PDZRN3: variants seen among roughly 807,000 people sequenced by gnomAD.
The protein encoded by PDZRN3 is PDZ domain containing ring finger 3, also known as E3 ubiquitin-protein ligase PDZRN3.
A neutral mutation model predicts 85.7 loss-of-function variants in PDZRN3; 38 were observed. The observed-to-expected ratio is 0.44, with a 90% CI of 0.34 to 0.58. The LOEUF is 0.58. Among genes scored for constraint, PDZRN3 ranks in the 20% least tolerant of loss-of-function variants. PDZRN3 has a pLI of 0.01. For synonymous variants in PDZRN3, 759 were observed against 638.0 expected (o/e 1.19, Z -2.86); for missense variants, 1,629 against 1,506.4 (o/e 1.08, Z -1.35).
intron 3 of PDZRN3, among the ~76,000 whole-genome samples, chr3:73,422,613 T>C (rs1034150416): frequency 6.6e-6 from 1 of 152,160 alleles, no homozygotes; most frequent in Non-Finnish European, 1.5e-5. Context: ...TGGTTGGATA[T>C]GGAGTAGAGT....
intron 3 of PDZRN3, among the ~76,000 whole-genome samples, chr3:73,555,133 A>T (rs1041273964): frequency 2.6e-5 from 4 of 152,190 alleles, no homozygotes; most frequent in African/African-American, 9.7e-5. Context: ...TATTTTTTGA[A>T]TCAGAGCCAG....
intron 2 of PDZRN3, among the ~76,000 whole-genome samples, chr3:73,606,055 T>A (rs1702595285): frequency 6.6e-6 from 1 of 152,252 alleles, no homozygotes; most frequent in Non-Finnish European, 1.5e-5. Context: ...TCACTGGCTT[T>A]AACACAGTAG....
At chr3:73,447,553 C>A (rs925265208) in intron 3 of PDZRN3, among the ~76,000 whole-genome samples, 1 of 152,214 alleles carries the variant, frequency 6.6e-6, no homozygotes, top group Admixed American at 6.5e-5. Context: ...TAGCCGAACA[C>A]ACACTACTAT....
At chr3:73,527,994 C>T (rs1704564764) in intron 3 of PDZRN3, among the ~76,000 whole-genome samples, 1 of 152,184 alleles carries the variant, frequency 6.6e-6, no homozygotes, top group Admixed American at 6.5e-5. Context: ...TAGCCAAAAG[C>T]CCACCGGCTT....
At chr3:73,495,202 T>C (rs948808896) in intron 3 of PDZRN3, among the ~76,000 whole-genome samples, 3 of 152,232 alleles carry the variant, frequency 2.0e-5, no homozygotes, top group East Asian at 1.9e-4. Flanking sequence ...AAATCATTTA[T>C]TGAAAAGCTT....
Position 73,624,083 on chromosome 3 carries a change from G to A in PDZRN3, c.723+20C>T. 2 of 1,426,578 alleles carry A rather than the reference G, an allele frequency of 1.4e-6. No individual in the cohort carries two copies. Among genetic ancestry groups the A allele is most frequent in the East Asian group, 3.0e-5 (1 of 33,230 alleles). 88.4% of individuals were successfully genotyped at this position (1,426,578 alleles called of 1,614,324 possible). Reference sequence around the variant, plus strand: ...CCCAGGGATCCTGGCTGGAGGTCGGGGCGGGCAGCAGGCGCCTACCTTGCC... The same window carrying A: ...CCCAGGGATCCTGGCTGGAGGTCGGAGCGGGCAGCAGGCGCCTACCTTGCC... On this transcript the variant is annotated intron_variant, in intron 1 of 9. Coordinates refer to ENST00000263666, the MANE Select transcript of PDZRN3 (RefSeq NM_015009.3).
At chr3:73,452,553 T>A (rs1490006099) in intron 3 of PDZRN3, among the ~76,000 whole-genome samples, 1 of 152,212 alleles carries the variant, frequency 6.6e-6, no homozygotes, top group African/African-American at 2.4e-5. Context: ...ACAAGATGTA[T>A]GGCCAAGTCA....
Position 73,452,839 on chromosome 3 carries a change from C to CTCTCTGTG in PDZRN3, c.919-48445_919-48444insCACAGAGA, listed in dbSNP as rs1553690746. On this transcript the variant is annotated intron_variant, in intron 3 of 9. Coordinates refer to ENST00000263666, the MANE Select transcript of PDZRN3 (RefSeq NM_015009.3). ...GCCAATTCTCTAACGGTCCATATATCTGTGTGTGTGTGTGTGTGTGTGTGT... is the reference window on the plus strand; with the variant it reads ...GCCAATTCTCTAACGGTCCATATATCTCTCTGTGTGTGTGTGTGTGTGTGTGTGTGTGT... Among the ~76,000 whole-genome samples the CTCTCTGTG allele has an allele frequency of 5.0e-5, 7 of 140,720 alleles. 1 individual carries two copies. Among genetic ancestry groups the CTCTCTGTG allele is most frequent in the African/African-American group, 1.9e-4 (7 of 37,368 alleles). The allele number at this position is 140,720 out of a possible 152,430, so 92.3% of individuals were successfully genotyped here. A position where few individuals can be genotyped will look rare whatever the true frequency, so the allele number is the denominator to read the frequency against.
chr3:73,610,439 T>G (rs1189161354), intron 1 of PDZRN3, among the ~76,000 whole-genome samples: 1 of 152,328 alleles, frequency 6.6e-6, no homozygotes, highest in East Asian at 1.9e-4. Flanking sequence ...AACAAGTTAA[T>G]AGGCAATAAC....
At chr3:73,470,080 C>T (rs892700216) in intron 3 of PDZRN3, among the ~76,000 whole-genome samples, 2 of 152,048 alleles carry the variant, frequency 1.3e-5, no homozygotes, top group East Asian at 1.9e-4. Context: ...AAATTGCCTC[C>T]AGGTGAGAAC....
chr3:73,458,427 A>G (rs927054793), intron 3 of PDZRN3, among the ~76,000 whole-genome samples: 1 of 151,806 alleles, frequency 6.6e-6, no homozygotes, highest in Non-Finnish European at 1.5e-5. Flanking sequence ...CTCCCTGTGC[A>G]CAGATCCTAT....
At chr3:73,528,624 C>T (rs1269637319) in intron 3 of PDZRN3, among the ~76,000 whole-genome samples, 1 of 152,076 alleles carries the variant, frequency 6.6e-6, no homozygotes, top group African/African-American at 2.4e-5. Flanking sequence ...CTATTTCCAG[C>T]TGGATTTCAA....
Position 73,383,839 on chromosome 3 carries a change from C to T in PDZRN3, c.2727G>A (p.Leu909=), listed in dbSNP as rs768239993. The change falls in exon 10 of 10, where the codon CTG becomes CTA. Residue 909 remains leucine, a synonymous_variant. Coordinates refer to ENST00000263666, the MANE Select transcript of PDZRN3 (RefSeq NM_015009.3). ...GCGGCTCCGACGGGGTGGGAGAGCT[C>T]AGGTCCTTGCACATGCTCACCAGGC... ...QMSLVSMCKD[L]SSPTPSEPRM... The T allele has an allele frequency of 1.2e-6, 2 of 1,613,736 alleles. No homozygotes were observed. The highest frequency in any genetic ancestry group is 2.7e-5 in the African/African-American group (2 of 74,942).
intron 3 of PDZRN3, among the ~76,000 whole-genome samples, chr3:73,566,272 G>A (rs753147875): frequency 5.3e-5 from 8 of 152,254 alleles, no homozygotes; most frequent in East Asian, 1.9e-4. Context: ...AAACCTCAGC[G>A]ATAAACAGGC....
intron 3 of PDZRN3, among the ~76,000 whole-genome samples, chr3:73,422,395 CTG>C (rs759303523): frequency 6.6e-6 from 1 of 152,138 alleles, no homozygotes; most frequent in Non-Finnish European, 1.5e-5. Flanking sequence ...TTTTAAGGGG[CTG>C]TGTGAGAAAT....
At chr3:73,551,401 G>A (rs1024673820) in intron 3 of PDZRN3, among the ~76,000 whole-genome samples, 1 of 152,130 alleles carries the variant, frequency 6.6e-6, no homozygotes, top group Non-Finnish European at 1.5e-5. Flanking sequence ...AACTTACGGA[G>A]GCCAGGAGTG....
chr3:73,493,091 C>T (rs1042513216), intron 3 of PDZRN3, among the ~76,000 whole-genome samples: 3 of 148,676 alleles, frequency 2.0e-5, no homozygotes, highest in South Asian at 4.3e-4. Context: ...TATGTCCGGG[C>T]CCCCATCTCC....
intron 3 of PDZRN3, among the ~76,000 whole-genome samples, chr3:73,581,168 C>T (rs1382561941): frequency 6.6e-6 from 1 of 152,170 alleles, no homozygotes; most frequent in Non-Finnish European, 1.5e-5. Context: ...GAAAGAATCA[C>T]CTGTGTGTGA....
chr3:73,469,008 CTTA>C (rs1403254601), intron 3 of PDZRN3, among the ~76,000 whole-genome samples: 1 of 151,798 alleles, frequency 6.6e-6, no homozygotes. Context: ...TATGATTATA[CTTA>C]TTATTACTAG....
Sources: gnomAD v4.1 joint callset for allele counts (sites outside exome capture counted in the v4.1 genomes callset) on GRCh38, gnomAD v4.1.1 for gene constraint, MANE v1.5 for transcripts, NCBI Gene and HGNC (gene_info 2026-07-23, HGNC 2026-07-21) for gene names.